Variants in RGS3 observed in about 807,000 individuals in gnomAD.
RGS3 encodes the protein regulator of G protein signaling 3, also known as regulator of G-protein signalling 3.
In RGS3, 80 loss-of-function variants were observed where a neutral mutation model predicts 132.6. The observed-to-expected ratio is 0.60, with a 90% CI of 0.50 to 0.73. The LOEUF is 0.73. Among genes scored for constraint, RGS3 ranks in the 30% least tolerant of loss-of-function variants. The pLI is 0.00. For missense variants in RGS3, 1,382 were observed against 1,530.8 expected (o/e 0.90, Z 1.62); for synonymous variants, 598 against 620.6 (o/e 0.96, Z 0.54).
At chr9:113,449,695 G>A (rs777880921) in intron 1 of RGS3, among the ~76,000 whole-genome samples, 17 of 152,076 alleles carry the variant, frequency 1.1e-4, no homozygotes, top group Non-Finnish European at 2.2e-4. Context: ...CTTATACACT[G>A]ATTTTAGAAC....
chr9:113,453,159 C>A (rs1001734224), intron 1 of RGS3, among the ~76,000 whole-genome samples: 1 of 119,810 alleles, frequency 8.3e-6, no homozygotes, highest in Non-Finnish European at 1.7e-5. Context: ...ATATAATATA[C>A]TCATATGATT....
chr9:113,480,713 G>C (rs1207694935), intron 4 of RGS3, among the ~76,000 whole-genome samples: 1 of 152,216 alleles, frequency 6.6e-6, no homozygotes, highest in Non-Finnish European at 1.5e-5. Flanking sequence ...AAGTGCAAAG[G>C]CCTGGGGGTC....
At chr9:113,497,190 G>C (rs750587111) in intron 8 of RGS3, 124 bp from the exon 7 acceptor site, 1 of 707,670 alleles carries the variant, frequency 1.4e-6, no homozygotes, top group Non-Finnish European at 2.4e-6. Flanking sequence ...GGCCAGGAAG[G>C]CTGGAGAGTC....
At chr9:113,584,360 A>G (rs1290926552) in exon 20 of RGS3, 1 of 1,570,782 alleles carries the variant, frequency 6.4e-7, no homozygotes, top group African/African-American at 1.4e-5. Context: ...AGCACCCTCA[A>G]GAAAGAGCTG....
At chr9:113,472,852 A>G (rs1440349653) in intron 3 of RGS3, among the ~76,000 whole-genome samples, 1 of 152,150 alleles carries the variant, frequency 6.6e-6, no homozygotes, top group Non-Finnish European at 1.5e-5. Context: ...CAGCCTGGCC[A>G]ACATGGTGAA....
chr9:113,561,420 C>T (rs1034098009), intron 19 of RGS3, among the ~76,000 whole-genome samples: 39 of 151,032 alleles, frequency 2.6e-4, no homozygotes, highest in African/African-American at 8.8e-4. Context: ...CTCTCTCTGT[C>T]TCTCTCTTTC....
chr9:113,559,878 A>G (rs1325836354), intron 19 of RGS3, among the ~76,000 whole-genome samples: 1 of 152,230 alleles, frequency 6.6e-6, no homozygotes, highest in Non-Finnish European at 1.5e-5. Flanking sequence ...CTCAAGGTGA[A>G]TTCTGTCTTT....
chr9:113,507,346 G>A lies in RGS3; in HGVS notation c.1145G>A (p.Gly382Glu), dbSNP rs1413783174. The A allele has an allele frequency of 6.2e-7, 1 of 1,613,992 alleles. No homozygotes were observed. Among genetic ancestry groups the A allele is most frequent in the Admixed American group, 1.7e-5 (1 of 60,034 alleles). The change falls in exon 13 of 25, where the codon GGA becomes GAA. Residue 382 changes from glycine (G) to glutamate (E), a missense_variant. By Grantham distance (98) the Gly-to-Glu change is moderately conservative. Coordinates refer to ENST00000350696, the Ensembl canonical transcript of RGS3. The surrounding 1 kb of genome is among the most constrained non-coding windows in gnomAD (Gnocchi z 5.0). ...CGCATGGTCCCCCAGGTCAAGCCAG[G>A]ACCAGATGGCGGGGTCCTGCGGCGG...
At chr9:113,556,461 A>C (rs1240702743) in intron 19 of RGS3, among the ~76,000 whole-genome samples, 1 of 152,164 alleles carries the variant, frequency 6.6e-6, no homozygotes, top group African/African-American at 2.4e-5. Context: ...GATAATATAT[A>C]ATCTTCCCAG....
intron 10 of RGS3, chr9:113,503,267 C>G (rs561979740): frequency 6.6e-6 from 1 of 152,518 alleles, no homozygotes; most frequent in Non-Finnish European, 1.5e-5. Context: ...GGTGGCACTT[C>G]GAGTCTTATC....
chr9:113,524,274 G>A (rs1400973926), intron 17 of RGS3, among the ~76,000 whole-genome samples: 1 of 152,064 alleles, frequency 6.6e-6, no homozygotes, highest in Non-Finnish European at 1.5e-5. Context: ...CCTGCAGTGT[G>A]CATATTCACA....
intron 17 of RGS3, among the ~76,000 whole-genome samples, chr9:113,524,476 C>T (rs953464456): frequency 6.6e-6 from 1 of 152,230 alleles, no homozygotes; most frequent in African/African-American, 2.4e-5. Flanking sequence ...AACCCAGGAC[C>T]CTGGTTTGCT....
At chr9:113,495,941 T>A in intron 8 of RGS3, 95 bp downstream of exon 6, 1 of 1,102,432 alleles carries the variant, frequency 9.1e-7, no homozygotes, top group Non-Finnish European at 1.4e-6. Flanking sequence ...AGGGCTTCTC[T>A]CTGTGAGATG....
At chr9:113,487,100 CTTTTT>C in intron 7 of RGS3, among the ~76,000 whole-genome samples, 1 of 116,962 alleles carries the variant, frequency 8.5e-6, no homozygotes, top group East Asian at 2.3e-4. Context: ...TCATTTAATT[CTTTTT>C]TTTTTTTTTT....
chr9:113,484,327 C>CAAAA (rs775299940), intron 6 of RGS3, 95 bp downstream of exon 4: 63 of 85,236 alleles, frequency 7.4e-4, no homozygotes, highest in African/African-American at 3.7e-3. Flanking sequence ...TAGATCTATG[C>CAAAA]AAAAAAAAAA....
chr9:113,538,419 C>T (rs1464831311), intron 19 of RGS3, among the ~76,000 whole-genome samples: 2 of 152,250 alleles, frequency 1.3e-5, no homozygotes, highest in African/African-American at 4.8e-5. Flanking sequence ...ATGGCTGAAC[C>T]TATGCCCCAG....
intron 10 of RGS3, among the ~76,000 whole-genome samples, chr9:113,502,355 A>G: frequency 6.6e-6 from 1 of 152,240 alleles, no homozygotes; most frequent in East Asian, 1.9e-4. Context: ...AAAAAATCAC[A>G]TAGAGAAGCC....
upstream of RGS3, among the ~76,000 whole-genome samples, chr9:113,457,934 C>T (rs1485928084): frequency 6.6e-6 from 1 of 152,136 alleles, no homozygotes; most frequent in African/African-American, 2.4e-5. Flanking sequence ...AGGTAGGAAG[C>T]TAGACAGAGA....
chr9:113,461,652 G>A, intron 1 of RGS3: 1 of 1,555,674 alleles, frequency 6.4e-7, no homozygotes, highest in Non-Finnish European at 8.7e-7. Flanking sequence ...TAGAATCTTT[G>A]TTCCCATTAC....
Sources: allele counts gnomAD v4.1 joint callset (sites outside exome capture counted in the v4.1 genomes callset), GRCh38; gene constraint gnomAD v4.1.1; non-coding constraint Gnocchi (gnomAD v3.1); transcripts MANE v1.5; gene names NCBI Gene and HGNC (gene_info 2026-07-23, HGNC 2026-07-21).